Variants in PALD1 observed in about 807,000 individuals in gnomAD.
PALD1 encodes phosphatase domain containing paladin 1.
A neutral mutation model predicts 96.0 loss-of-function variants in PALD1; 57 were observed. The observed-to-expected ratio is 0.59, with a 90% CI of 0.48 to 0.74. The LOEUF (loss-of-function observed/expected upper bound fraction) is 0.74, where lower values mean the gene tolerates loss of function less well. Among genes scored for constraint, PALD1 ranks in the 30% least tolerant of loss-of-function variants. The pLI is 0.00. For missense variants in PALD1, 1,063 were observed against 1,143.7 expected, an observed-to-expected ratio of 0.93 and a Z score of 1.02; for synonymous variants, 464 against 473.6, an observed-to-expected ratio of 0.98 and a Z score of 0.26.
Position 70,537,700 on chromosome 10 carries a change from A to G in PALD1, c.1228-111A>G, listed in dbSNP as rs112114463. ...GCAGAACTGTGTCATGAAGGGAGGGAAAGACTGTCTTCTGGGGAGTTCCAA... is the reference window on the plus strand; with the variant it reads ...GCAGAACTGTGTCATGAAGGGAGGGGAAGACTGTCTTCTGGGGAGTTCCAA... On this transcript the variant is annotated intron_variant, in intron 10 of 19. Transcript: ENST00000263563. 2.7e-3 allele frequency: 1,849 copies of G among 696,184 alleles called. 22 individuals are homozygous for G. Among genetic ancestry groups the G allele is most frequent in the African/African-American group, 0.025 (1,396 of 56,864 alleles). The allele number at this position is 696,184 out of a possible 1,614,324, so 43.1% of individuals were successfully genotyped here.
intron 7 of PALD1, among the ~76,000 whole-genome samples, chr10:70,533,273 G>T (rs1211550760): frequency 6.6e-6 from 1 of 152,016 alleles, no homozygotes; most frequent in Admixed American, 6.6e-5. Flanking sequence ...TGTCTGTGGG[G>T]AGTGTGTGTA....
chr10:70,463,337 C>T, the PALD1 span, among the ~76,000 whole-genome samples: 5 of 151,854 alleles, frequency 3.3e-5, no homozygotes, highest in African/African-American at 1.2e-4. Flanking sequence ...GTGAACCCGG[C>T]AGGCGGGAAC....
Position 70,539,202 on chromosome 10 carries a change from C to T in PALD1, c.1680C>T (p.Tyr560=), listed in dbSNP as rs762009768. 2 of 1,612,624 alleles carry T rather than the reference C, an allele frequency of 1.2e-6. No homozygotes were observed. The highest frequency in any genetic ancestry group is 8.5e-7 in the Non-Finnish European group (1 of 1,179,486). ...EAVLECDGHT[Y]SLRWPGPPVA... ...TGTTGGAGTGTGACGGGCACACCTA[C>T]AGCCTGCGGTGGCCTGGGCCCCCTG... is the stretch of plus-strand genomic sequence containing the variant. The change falls in exon 14 of 20, where the codon TAC becomes TAT. Residue 560 remains tyrosine, a synonymous_variant. Coordinates refer to ENST00000263563, the MANE Select transcript of PALD1 (RefSeq NM_014431.3). This position sits in a 1 kb window ranked among gnomAD's most constrained non-coding sequence, Gnocchi z 4.5.
chr10:70,540,109 GGTGTGTGTTATAGGTGT>G lies in PALD1; in HGVS notation c.1908+359_1908+375del. ...GTGTATGTGTGTGTATTGTGTTATG[GGTGTGTGTTATAGGTGT>G]GTGTGTGTTATCGGGGTGTGTGTGT... On this transcript the variant is annotated intron_variant, in intron 15 of 19. Coordinates refer to ENST00000263563, the MANE Select transcript of PALD1 (RefSeq NM_014431.3). This position sits in a 1 kb window ranked among gnomAD's most constrained non-coding sequence, Gnocchi z 4.2. 6.6e-6 allele frequency among the ~76,000 whole-genome samples: 1 copy of G among 151,782 alleles called. No homozygotes were observed. Among genetic ancestry groups the G allele is most frequent in the East Asian group, 1.9e-4 (1 of 5,174 alleles).
intron 1 of PALD1, among the ~76,000 whole-genome samples, chr10:70,498,381 G>A (rs530305426): frequency 6.6e-6 from 1 of 152,154 alleles, no homozygotes; most frequent in African/African-American, 2.4e-5. Flanking sequence ...CTGGGCTCAA[G>A]CAATCCTCCT....
chr10:70,503,915 G>T (rs892622805), intron 1 of PALD1, among the ~76,000 whole-genome samples: 7 of 152,054 alleles, frequency 4.6e-5, no homozygotes, highest in African/African-American at 1.7e-4. Context: ...TTATCCTTCC[G>T]CACTTCCTTT....
the PALD1 span, among the ~76,000 whole-genome samples, chr10:70,470,498 G>A: frequency 2.9e-5 from 2 of 67,964 alleles, no homozygotes; most frequent in Non-Finnish European, 6.2e-5. Context: ...TTGACTGTGT[G>A]TATACAAGCC....
the PALD1 span, among the ~76,000 whole-genome samples, chr10:70,471,770 G>T: frequency 2.0e-5 from 3 of 152,230 alleles, no homozygotes; most frequent in Admixed American, 1.3e-4. Context: ...CATGGATACT[G>T]CCAGAAAAGT....
At chr10:70,541,574 GGGA>G (rs773737317) in intron 17 of PALD1, 40 bp downstream of exon 17, 204 of 1,482,036 alleles carry the variant, frequency 1.4e-4, no homozygotes, top group Middle Eastern at 1.7e-4. Context: ...ACCTTGGGAT[GGGA>G]GGAGGAGGAG....
chr10:70,536,160 G>A (rs1320116176), intron 10 of PALD1, among the ~76,000 whole-genome samples: 1 of 152,102 alleles, frequency 6.6e-6, no homozygotes, highest in Non-Finnish European at 1.5e-5. Flanking sequence ...CAACTACCAG[G>A]GAGCTGGTGT....
chr10:70,567,032 A>G lies in PALD1; in HGVS notation c.*299A>G. The G allele has an allele frequency of 3.1e-6, 1 of 327,666 alleles. No homozygotes were observed. The highest frequency in any genetic ancestry group is 5.5e-6 in the Non-Finnish European group (1 of 180,612). 20.3% of individuals were successfully genotyped at this position (327,666 alleles called of 1,614,324 possible). ...GTACCTTGCAGACAGGCCGGCGTTCAGCCTCCAAGGGGCTCACTCCCCCAG... is the reference window on the plus strand; with the variant it reads ...GTACCTTGCAGACAGGCCGGCGTTCGGCCTCCAAGGGGCTCACTCCCCCAG... On this transcript the variant is annotated 3_prime_UTR_variant, in exon 20 of 20. Transcript: ENST00000263563.
At chr10:70,490,277 A>G (rs1437859436) in intron 1 of PALD1, among the ~76,000 whole-genome samples, 1 of 152,030 alleles carries the variant, frequency 6.6e-6, no homozygotes, top group Non-Finnish European at 1.5e-5. Context: ...GCTGGGGTGC[A>G]GTGGTGCAAT....
At chr10:70,486,448 G>T (rs865953372) in intron 1 of PALD1, 2 of 152,254 alleles carry the variant, frequency 1.3e-5, no homozygotes, top group African/African-American at 4.8e-5. Context: ...CCGGCACCCT[G>T]GTTGACAGGG....
intron 1 of PALD1, among the ~76,000 whole-genome samples, chr10:70,517,185 A>T (rs1023599980): frequency 2.0e-5 from 3 of 152,196 alleles, no homozygotes; most frequent in African/African-American, 7.2e-5. Flanking sequence ...CAGAGAGGTT[A>T]TGGGGCCAAG....
Position 70,548,554 on chromosome 10 carries a change from C to T in PALD1, c.2262+1108C>T, listed in dbSNP as rs531409655. The stretch of plus-strand genomic sequence containing the variant: ...TCTGATTGGCTTCTGGAACAGAGGC[C>T]GGTGCTGAGTGGGAGGGGCAGTGGT... On this transcript the variant is annotated intron_variant, in intron 18 of 19. Coordinates refer to ENST00000263563, the MANE Select transcript of PALD1 (RefSeq NM_014431.3). Among the ~76,000 whole-genome samples, 18 of 152,220 alleles carry T rather than the reference C, an allele frequency of 1.2e-4. No individual in the cohort carries two copies. The South Asian group carries it at 2.9e-3, about 25-fold the overall frequency.
rs1294734780 is a variant in PALD1, at chr10:70,539,041, G to A, written c.1569+33G>A. 3.7e-6 allele frequency: 6 copies of A among 1,613,444 alleles called. No individual in the cohort carries two copies. The highest frequency in any genetic ancestry group is 5.1e-6 in the Non-Finnish European group (6 of 1,179,642). Reference sequence around the variant, plus strand: ...GCCCTCAGGGCCTGGGTCCCCCAGTGGGTTTGGGGAGGGAGGGCTGAGCAC... The same window carrying A: ...GCCCTCAGGGCCTGGGTCCCCCAGTAGGTTTGGGGAGGGAGGGCTGAGCAC... On this transcript the variant is annotated intron_variant, in intron 13 of 19. Transcript: ENST00000263563. This position sits in a 1 kb window ranked among gnomAD's most constrained non-coding sequence, Gnocchi z 4.5.
chr10:70,465,221 G>A, the PALD1 span, among the ~76,000 whole-genome samples: 7 of 151,220 alleles, frequency 4.6e-5, no homozygotes, highest in African/African-American at 9.7e-5. Context: ...TGATCCGCCC[G>A]CCTCTGCCTC....
chr10:70,512,034 A>G (rs1023445419), intron 1 of PALD1, among the ~76,000 whole-genome samples: 8 of 151,664 alleles, frequency 5.3e-5, no homozygotes, highest in Non-Finnish European at 8.8e-5. Context: ...TCAAAAGAGA[A>G]AAAAAAAAGG....
chr10:70,522,899 CAG>C (rs1589193708), intron 1 of PALD1, among the ~76,000 whole-genome samples: 1 of 152,176 alleles, frequency 6.6e-6, no homozygotes, highest in African/African-American at 2.4e-5. Context: ...CACTGAGGCC[CAG>C]AGAGGGGAAG....
Sources: allele counts gnomAD v4.1 joint callset (sites outside exome capture counted in the v4.1 genomes callset), GRCh38; gene constraint gnomAD v4.1.1; non-coding constraint Gnocchi (gnomAD v3.1); transcripts MANE v1.5; gene names NCBI Gene and HGNC (gene_info 2026-07-23, HGNC 2026-07-21).